Variants in TRAPPC9 observed in about 807,000 individuals in gnomAD.
The protein encoded by TRAPPC9 is trafficking protein particle complex subunit 9, also known as IKK2 binding protein.
In TRAPPC9, 83 loss-of-function variants were observed where a neutral mutation model predicts 124.0. That is an observed-to-expected ratio of 0.67 (90% CI 0.56 to 0.80). The LOEUF is 0.80. Ranked by LOEUF, TRAPPC9 falls within the 30% of genes least tolerant of loss-of-function variation. The pLI is 0.00. For synonymous variants in TRAPPC9, 638 were observed against 617.5 expected, an observed-to-expected ratio of 1.03 and a Z score of -0.49; for missense variants, 1,302 against 1,508.3, an observed-to-expected ratio of 0.86 and a Z score of 2.27.
intron 18 of TRAPPC9, among the ~76,000 whole-genome samples, chr8:140,006,555 T>C (rs1237521683): frequency 6.6e-6 from 1 of 152,160 alleles, no homozygotes; most frequent in African/African-American, 2.4e-5. Context: ...AACATGAATG[T>C]TCATAATAGC....
At chr8:140,193,520 A>G (rs575922107) in intron 17 of TRAPPC9, among the ~76,000 whole-genome samples, 199 of 148,732 alleles carry the variant, frequency 1.3e-3, no homozygotes, top group African/African-American at 4.7e-3. Context: ...TCCATTTTTT[A>G]TATCACTGGC....
At chr8:140,025,474 A>G (rs1400612713) in intron 17 of TRAPPC9, among the ~76,000 whole-genome samples, 1 of 152,192 alleles carries the variant, frequency 6.6e-6, no homozygotes, top group Admixed American at 6.5e-5. Flanking sequence ...ATTTGCAGAT[A>G]AAACCCAGAG....
intron 1 of TRAPPC9, among the ~76,000 whole-genome samples, chr8:140,456,012 G>A (rs1324442658): frequency 2.0e-5 from 3 of 152,054 alleles, no homozygotes; most frequent in Admixed American, 6.6e-5. Flanking sequence ...AGGGGCTGTC[G>A]GAGGGGGGAA....
chr8:140,454,916 G>C (rs1382705656), intron 1 of TRAPPC9, among the ~76,000 whole-genome samples: 1 of 150,614 alleles, frequency 6.6e-6, no homozygotes, highest in Non-Finnish European at 1.5e-5. Flanking sequence ...CTCCAGCCTG[G>C]GTGACAAAGT....
chr8:139,992,206 A>G (rs1837692975), intron 18 of TRAPPC9, among the ~76,000 whole-genome samples: 1 of 152,258 alleles, frequency 6.6e-6, no homozygotes, highest in South Asian at 2.1e-4. Flanking sequence ...ACAGGTAGAA[A>G]TAAATCTAAC....
intron 17 of TRAPPC9, among the ~76,000 whole-genome samples, chr8:140,183,945 A>T (rs1587874305): frequency 3.6e-5 from 1 of 27,900 alleles, no homozygotes; most frequent in African/African-American, 1.1e-4. Context: ...AGGAGAGGAG[A>T]GGAGAGGGGA....
intron 21 of TRAPPC9, among the ~76,000 whole-genome samples, chr8:139,743,024 G>C (rs1009812311): frequency 6.6e-6 from 1 of 152,238 alleles, no homozygotes; most frequent in Non-Finnish European, 1.5e-5. Context: ...CACTCAGAGT[G>C]GGCTGAGAGG....
chr8:140,143,999 T>C (rs1347705243), intron 17 of TRAPPC9, among the ~76,000 whole-genome samples: 1 of 152,246 alleles, frequency 6.6e-6, no homozygotes, highest in African/African-American at 2.4e-5. Flanking sequence ...AACTTCTCTA[T>C]ACCTATAAAT....
At position 140,083,108 on chromosome 8, in the gene TRAPPC9, G is replaced by A. The variant is rs537113493; in HGVS notation, c.2557-59029C>T. Among the ~76,000 whole-genome samples, 5 of 152,220 alleles carry A rather than the reference G, an allele frequency of 3.3e-5. No individual in the cohort carries two copies. In the East Asian group the frequency reaches 9.7e-4, roughly 29 times the overall value. On this transcript the variant is annotated intron_variant, in intron 17 of 22. Coordinates refer to ENST00000438773, the MANE Select transcript of TRAPPC9 (RefSeq NM_001160372.4). ...CTCGGGAGGCTGAAGCAGGAGAATCGCTTGAACCTGGAAGGCGGAGGTTGC... is the reference window on the plus strand; with the variant it reads ...CTCGGGAGGCTGAAGCAGGAGAATCACTTGAACCTGGAAGGCGGAGGTTGC...
intron 19 of TRAPPC9, among the ~76,000 whole-genome samples, chr8:139,964,224 CAAA>C (rs1008397834): frequency 1.3e-4 from 9 of 67,672 alleles, no homozygotes; most frequent in Admixed American, 2.0e-4. Flanking sequence ...GACTCTGTCT[CAAA>C]AAAAAAAAAA....
At chr8:140,421,478 G>A (rs1564012865) in intron 5 of TRAPPC9, among the ~76,000 whole-genome samples, 1 of 152,128 alleles carries the variant, frequency 6.6e-6, no homozygotes, top group Non-Finnish European at 1.5e-5. Context: ...TTTTCTGGAA[G>A]TCTTTACAAA....
At chr8:140,260,692 T>A (rs1483351209) in intron 15 of TRAPPC9, among the ~76,000 whole-genome samples, 1 of 152,198 alleles carries the variant, frequency 6.6e-6, no homozygotes, top group Non-Finnish European at 1.5e-5. Flanking sequence ...GACTTCACAT[T>A]ACAGCTACAT....
At position 140,311,319 on chromosome 8, in the gene TRAPPC9, G is replaced by T; in HGVS notation, c.1551C>A (p.Thr517=). 1 of 1,613,960 alleles carries T rather than the reference G, an allele frequency of 6.2e-7. No individual in the cohort carries two copies. Among genetic ancestry groups the T allele is most frequent in the South Asian group, 1.1e-5 (1 of 91,090 alleles). ...CGCCAGGGAGGGCGATGGGCTCCAT[G>T]GTCCCAGGACACTTGGACGTATAGT... is the stretch of plus-strand genomic sequence containing the variant. ...LENYTSKCPG[T]MEPIALPGGL... Residue 517 remains threonine, a synonymous_variant, in exon 10 of 23, where the codon ACC becomes ACA. Transcript: ENST00000438773.
At chr8:139,914,066 G>T (rs965498248) in intron 19 of TRAPPC9, 2 of 152,374 alleles carry the variant, frequency 1.3e-5, no homozygotes, top group African/African-American at 4.8e-5. Context: ...GTGATGGAAG[G>T]CGAGAGCCCC....
chr8:140,111,501 C>A (rs1432197304), intron 17 of TRAPPC9, among the ~76,000 whole-genome samples: 1 of 152,220 alleles, frequency 6.6e-6, no homozygotes, highest in Non-Finnish European at 1.5e-5. Context: ...CACTCCCAGC[C>A]CCTTCCCTAA....
intron 1 of TRAPPC9, among the ~76,000 whole-genome samples, chr8:140,457,240 C>T (rs1405010940): frequency 6.6e-6 from 1 of 152,166 alleles, no homozygotes; most frequent in Non-Finnish European, 1.5e-5. Flanking sequence ...GCGGGGGGCT[C>T]CAGCGCCGCG....
At chr8:140,175,444 GAA>G (rs1444494697) in intron 17 of TRAPPC9, among the ~76,000 whole-genome samples, 2 of 152,010 alleles carry the variant, frequency 1.3e-5, no homozygotes, top group African/African-American at 2.4e-5. Flanking sequence ...GCCAGGTTCT[GAA>G]AAAGAGTTGG....
chr8:139,963,363 C>G (rs1835467357), intron 19 of TRAPPC9, among the ~76,000 whole-genome samples: 8 of 152,118 alleles, frequency 5.3e-5, no homozygotes, highest in Non-Finnish European at 1.5e-5. Context: ...AGATTTAACC[C>G]TAGGCTTCCC....
intron 17 of TRAPPC9, among the ~76,000 whole-genome samples, chr8:140,146,485 T>C (rs6997448): frequency 0.46 from 70,062 of 152,092 alleles, 16,271 homozygotes; most frequent in Middle Eastern, 0.52. Flanking sequence ...GAGGGTGGTA[T>C]ATGCATGTGA....
Sources: allele counts gnomAD v4.1 joint callset (sites outside exome capture counted in the v4.1 genomes callset), GRCh38; gene constraint gnomAD v4.1.1; transcripts MANE v1.5; gene names NCBI Gene and HGNC (gene_info 2026-07-23, HGNC 2026-07-21).